The following FAT1 variants were observed in gnomAD, a reference collection of about 807,000 sequenced individuals.
The protein encoded by FAT1 is FAT atypical cadherin 1.
Under a neutral mutation model 329.8 loss-of-function variants are expected in FAT1, and 171 were observed. The observed-to-expected ratio is 0.52, with a 90% CI of 0.46 to 0.59. The LOEUF (loss-of-function observed/expected upper bound fraction) is 0.59. FAT1 is among the 20% of genes least tolerant of loss of function. The pLI is 0.00. For missense variants in FAT1, 5,672 were observed against 5,774.4 expected, an observed-to-expected ratio of 0.98 and a Z score of 0.57; for synonymous variants, 2,233 against 2,228.6, an observed-to-expected ratio of 1.00 and a Z score of -0.06.
chr4:186,645,998 C>T (rs1236905622), intron 3 of FAT1, among the ~76,000 whole-genome samples: 1 of 147,220 alleles, frequency 6.8e-6, no homozygotes, highest in Non-Finnish European at 1.5e-5. Flanking sequence ...CACACACACA[C>T]ACACACATGA....
At chr4:186,600,391 C>T (rs1236907421) in intron 21 of FAT1, 31 bp from the exon 22 acceptor site, 1 of 1,556,830 alleles carries the variant, frequency 6.4e-7, no homozygotes, top group South Asian at 1.2e-5. Flanking sequence ...GTTCACATTA[C>T]TCTCATAGAA....
intron 2 of FAT1, among the ~76,000 whole-genome samples, chr4:186,668,005 A>C (rs1742535233): frequency 6.6e-6 from 1 of 152,172 alleles, no homozygotes; most frequent in African/African-American, 2.4e-5. Flanking sequence ...GGCCACAAGG[A>C]GTTTCCCAGT....
chr4:186,684,683 A>T (rs113903804), intron 2 of FAT1, among the ~76,000 whole-genome samples: 3 of 151,412 alleles, frequency 2.0e-5, no homozygotes, highest in East Asian at 1.9e-4. Context: ...AAAAAAAAAA[A>T]CCCAAACTCC....
intron 3 of FAT1, among the ~76,000 whole-genome samples, chr4:186,655,172 C>G (rs1479929581): frequency 6.6e-6 from 1 of 152,150 alleles, no homozygotes; most frequent in African/African-American, 2.4e-5. Flanking sequence ...TATAGACACA[C>G]AGAAATCACA....
At chr4:186,610,842 G>A (rs1378240745) in intron 14 of FAT1, among the ~76,000 whole-genome samples, 1 of 151,254 alleles carries the variant, frequency 6.6e-6, no homozygotes, top group East Asian at 1.9e-4. Flanking sequence ...AAGCATTCAC[G>A]CAGCAGGAGT....
intron 2 of FAT1, among the ~76,000 whole-genome samples, chr4:186,685,935 C>T (rs752821532): frequency 6.6e-6 from 1 of 152,188 alleles, no homozygotes; most frequent in Admixed American, 6.5e-5. Context: ...AAACTCTCTA[C>T]ACCAAAGTAA....
In FAT1 at chr4:186,617,981, T is replaced by A. The variant is rs1454589425; in HGVS notation, c.8605A>T (p.Ile2869Phe). The A allele has an allele frequency of 1.2e-6, 2 of 1,614,054 alleles. No homozygotes were observed. Among genetic ancestry groups the A allele is most frequent in the Non-Finnish European group, 1.7e-6 (2 of 1,179,906 alleles). Residue 2869 changes from isoleucine (I) to phenylalanine (F), a missense_variant, in exon 10 of 27, where the codon ATT (isoleucine) becomes TTT (phenylalanine). Ile to Phe is a conservative substitution (Grantham distance 21). Around this residue, in one of 2 missense-constraint regions of FAT1, gnomAD observed 3,966 missense variants for 3,915.2 expected, o/e 1.01. Coordinates refer to ENST00000441802, the MANE Select transcript of FAT1 (RefSeq NM_005245.4). ...SFAINMETGW[I>F]TTLKELDHEK... ...TGGTCAAGTTCCTTTAAAGTTGTAA[T>A]CCAGCCTGTTTCCATGTTAATGGCA...
rs375073515 is a variant in FAT1, at chr4:186,595,773, G to C, written c.13054C>G (p.Pro4352Ala). 25 of 1,613,966 alleles carry C rather than the reference G, an allele frequency of 1.5e-5. No homozygotes were observed. Among genetic ancestry groups the C allele is most frequent in the Non-Finnish European group, 1.9e-5 (22 of 1,179,852 alleles). The stretch of plus-strand genomic sequence containing the variant: ...TCCCGGGCACTGTATGGCTGGGAAG[G>C]CTTTTCCTCTAGAGGCTTCTTGGAA... ...CLSKKPLEEKPSQPYSARESL... is the reference protein window; with the variant it reads ...CLSKKPLEEKASQPYSARESL... Residue 4352 changes from proline to alanine, a missense_variant, in exon 26 of 27, where the codon CCT becomes GCT. Pro to Ala is a conservative substitution (Grantham distance 27, BLOSUM62 -1). Coordinates refer to ENST00000441802, the MANE Select transcript of FAT1 (RefSeq NM_005245.4).
chr4:186,703,496 T>A (rs78561096), intron 2 of FAT1, among the ~76,000 whole-genome samples: 3,537 of 152,324 alleles, frequency 0.023, 160 homozygotes, highest in African/African-American at 0.081. Context: ...AGGTAAAATA[T>A]GACAAAAATT....
chr4:186,629,597 G>A (rs1740490117), intron 7 of FAT1, among the ~76,000 whole-genome samples: 1 of 152,196 alleles, frequency 6.6e-6, no homozygotes, highest in Admixed American at 6.5e-5. Flanking sequence ...TGCGCTTCGT[G>A]GGGGCATATG....
chr4:186,659,980 G>A (rs1742093626), intron 3 of FAT1, among the ~76,000 whole-genome samples: 2 of 152,152 alleles, frequency 1.3e-5, no homozygotes, highest in Admixed American at 1.3e-4. Context: ...GCCTCAACAG[G>A]GGACAGAAAC....
chr4:186,685,413 T>TA (rs1318202621), intron 2 of FAT1, among the ~76,000 whole-genome samples: 12 of 152,358 alleles, frequency 7.9e-5, no homozygotes, highest in African/African-American at 2.6e-4. Context: ...TAAAAATTCC[T>TA]ATCTCAAATG....
intron 3 of FAT1, among the ~76,000 whole-genome samples, chr4:186,653,568 G>A (rs1377529295): frequency 6.6e-6 from 1 of 152,102 alleles, no homozygotes; most frequent in African/African-American, 2.4e-5. Flanking sequence ...CAGTAAATAC[G>A]TCCACTCATC....
chr4:186,719,864 A>G (rs1745384435), intron 1 of FAT1, among the ~76,000 whole-genome samples: 1 of 152,218 alleles, frequency 6.6e-6, no homozygotes, highest in Admixed American at 6.5e-5. Flanking sequence ...GAGTATTCCT[A>G]CAGTCTTTTG....
chr4:186,625,291 T>C (rs774200607), intron 9 of FAT1, among the ~76,000 whole-genome samples: 52 of 152,202 alleles, frequency 3.4e-4, no homozygotes, highest in Admixed American at 2.0e-4. Context: ...TCTCAACCAG[T>C]GGAAAAAAAC....
chr4:186,666,287 A>C (rs576252816), intron 2 of FAT1, among the ~76,000 whole-genome samples: 51 of 152,286 alleles, frequency 3.3e-4, no homozygotes, highest in South Asian at 1.7e-3. Flanking sequence ...GAACTCAAAC[A>C]TGCTTCCCTG....
At position 186,611,692 on chromosome 4, in the gene FAT1, A is replaced by G. The variant is rs1310912082; in HGVS notation, c.9547T>C (p.Leu3183=). 3 of 1,605,968 alleles carry G rather than the reference A, an allele frequency of 1.9e-6. No homozygotes were observed. The highest frequency in any genetic ancestry group is 3.4e-5 in the Admixed American group (2 of 58,746). ...AGTTCTCTGTCCAAAGGTTTTTCTAACTGAATAATTCCAGATAATTCGTTA... is the reference window on the plus strand; with the variant it reads ...AGTTCTCTGTCCAAAGGTTTTTCTAGCTGAATAATTCCAGATAATTCGTTA... ...SINELSGIIQ[L]EKPLDRELQA... The change falls in exon 14 of 27, where the codon TTA becomes CTA. Residue 3183 remains leucine (L), a synonymous_variant. Coordinates refer to ENST00000441802, the MANE Select transcript of FAT1 (RefSeq NM_005245.4).
Position 186,706,580 on chromosome 4 carries a change from T to C in FAT1, c.3248A>G (p.Lys1083Arg), listed in dbSNP as rs747011903. 3 of 1,607,234 alleles carry C rather than the reference T, an allele frequency of 1.9e-6. No homozygotes were observed. Among genetic ancestry groups the C allele is most frequent in the African/African-American group, 2.7e-5 (2 of 74,668 alleles). ...ATATTTACCTGTCTCTTCACCTATT[T>C]TGAAAACACCAACGCCAGAGCCATC... The part of the protein sequence containing the change: ...IRDGSGVGVF[K>R]IGEETGVIET... Residue 1083 changes from lysine (K) to arginine (R), a missense_variant, in exon 2 of 27, where the codon AAA becomes AGA. By Grantham distance (26) the Lys-to-Arg change is conservative. Around this residue, in one of 2 missense-constraint regions of FAT1, gnomAD observed 3,966 missense variants for 3,915.2 expected, o/e 1.01. Coordinates refer to ENST00000441802, the MANE Select transcript of FAT1 (RefSeq NM_005245.4).
At chr4:186,685,770 T>C (rs79615186) in intron 2 of FAT1, among the ~76,000 whole-genome samples, 10,186 of 152,276 alleles carry the variant, frequency 0.067, 362 homozygotes, top group South Asian at 0.098. Flanking sequence ...GAGGTGAGCA[T>C]TGCTCTCTCT....
Sources: gnomAD v4.1 joint callset for allele counts (sites outside exome capture counted in the v4.1 genomes callset) on GRCh38, gnomAD v4.1.1 for gene constraint, gnomAD v4.1.1 regional missense constraint, MANE v1.5 for transcripts, NCBI Gene and HGNC (gene_info 2026-07-23, HGNC 2026-07-21) for gene names.